The following AGBL4 variants were observed in gnomAD, a reference collection of about 807,000 sequenced individuals.
AGBL4 encodes cytosolic carboxypeptidase 6.
AGBL4 carries 58 observed loss-of-function variants against 66.4 expected under a neutral mutation model. That is an observed-to-expected ratio of 0.87 (90% confidence interval 0.71 to 1.09). The LOEUF (loss-of-function observed/expected upper bound fraction) is 1.09, where lower values mean the gene tolerates loss of function less well. Ranked by LOEUF, AGBL4 falls within the 50% of genes least tolerant of loss-of-function variation. The pLI is 0.00. For synonymous variants in AGBL4, 234 were observed against 222.9 expected, an observed-to-expected ratio of 1.05 and a Z score of -0.44; for missense variants, 579 against 631.0, an observed-to-expected ratio of 0.92 and a Z score of 0.88.
At chr1:49,288,746 C>T (rs1037557152) in intron 3 of AGBL4, among the ~76,000 whole-genome samples, 2 of 152,086 alleles carry the variant, frequency 1.3e-5, no homozygotes, top group African/African-American at 4.8e-5. Context: ...TTTGAGATGC[C>T]AAGGGACTGT....
At chr1:48,747,257 A>G (rs545203065) in intron 6 of AGBL4, among the ~76,000 whole-genome samples, 1 of 152,312 alleles carries the variant, frequency 6.6e-6, no homozygotes, top group Non-Finnish European at 1.5e-5. Flanking sequence ...TTTTTAAAAA[A>G]GGGCTTTGAT....
chr1:48,941,976 C>T (rs1420075727), intron 5 of AGBL4, among the ~76,000 whole-genome samples: 1 of 152,204 alleles, frequency 6.6e-6, no homozygotes. Context: ...TTTCCAATGC[C>T]TTTTTCTCTT....
In AGBL4 at chr1:49,512,767, T is replaced by C. The variant is rs1649393031; in HGVS notation, c.282+184546A>G. Among the ~76,000 whole-genome samples the C allele has an allele frequency of 2.0e-5, 3 of 151,796 alleles. No homozygotes were observed. The South Asian group carries it at 6.2e-4, about 31-fold the overall frequency. On this transcript the variant is annotated intron_variant, in intron 3 of 13. Transcript: ENST00000371839. ...TGCACAAACAGACTAACACAACTAA[T>C]TATATAATTCTTTCCAGATATTACT... is the stretch of plus-strand genomic sequence containing the variant.
chr1:48,529,643 T>C (rs1643895871), downstream of AGBL4, among the ~76,000 whole-genome samples: 1 of 152,128 alleles, frequency 6.6e-6, no homozygotes, highest in Non-Finnish European at 1.5e-5. Flanking sequence ...ACTTCTTTAG[T>C]GCTCAGAAGG....
chr1:48,876,099 G>T (rs536023623), intron 5 of AGBL4, among the ~76,000 whole-genome samples: 1 of 152,252 alleles, frequency 6.6e-6, no homozygotes, highest in South Asian at 2.1e-4. Flanking sequence ...CCTCCATAGG[G>T]TTCACAATTT....
chr1:48,681,660 C>G (rs187889543), intron 6 of AGBL4, among the ~76,000 whole-genome samples: 72 of 152,334 alleles, frequency 4.7e-4, no homozygotes, highest in Admixed American at 2.6e-3. Context: ...GGTTTCTTCT[C>G]CCCACTCCTG....
At chr1:48,566,216 A>G (rs1250057096) in intron 11 of AGBL4, among the ~76,000 whole-genome samples, 2 of 152,148 alleles carry the variant, frequency 1.3e-5, no homozygotes, top group Non-Finnish European at 2.9e-5. Flanking sequence ...CATTCAGGCC[A>G]ATTTCTTCAC....
chr1:49,674,816 A>C (rs1646548795), intron 3 of AGBL4, among the ~76,000 whole-genome samples: 1 of 152,166 alleles, frequency 6.6e-6, no homozygotes, highest in South Asian at 2.1e-4. Context: ...GATACAATGA[A>C]AGTATGTCAA....
chr1:49,914,294 C>A (rs1306985223), intron 1 of AGBL4, among the ~76,000 whole-genome samples: 1 of 152,168 alleles, frequency 6.6e-6, no homozygotes, highest in African/African-American at 2.4e-5. Flanking sequence ...ATTTCTTCCA[C>A]CAGATATCCT....
At chr1:48,972,778 T>A (rs1010642606) in intron 5 of AGBL4, among the ~76,000 whole-genome samples, 23 of 152,160 alleles carry the variant, frequency 1.5e-4, no homozygotes, top group Non-Finnish European at 3.4e-4. Context: ...GCAGATATTA[T>A]TTTTGAAACC....
At chr1:49,092,157 A>G (rs1645014330) in intron 4 of AGBL4, among the ~76,000 whole-genome samples, 2 of 152,156 alleles carry the variant, frequency 1.3e-5, no homozygotes, top group South Asian at 4.1e-4. Context: ...AAACCTGCAC[A>G]TGTACCCCTG....
At chr1:49,198,508 G>A (rs567161884) in intron 4 of AGBL4, among the ~76,000 whole-genome samples, 42 of 151,946 alleles carry the variant, frequency 2.8e-4, no homozygotes, top group African/African-American at 7.5e-4. Flanking sequence ...GCCTGGCTAA[G>A]GTATGTATTT....
intron 4 of AGBL4, among the ~76,000 whole-genome samples, chr1:49,217,339 T>C (rs1003224929): frequency 3.9e-5 from 6 of 152,120 alleles, no homozygotes; most frequent in African/African-American, 1.4e-4. Context: ...CCAAACATAA[T>C]TTGCTCTTTT....
intron 6 of AGBL4, among the ~76,000 whole-genome samples, chr1:48,717,185 GTTTA>G (rs1368268642): frequency 1.3e-5 from 2 of 151,946 alleles, no homozygotes; most frequent in Non-Finnish European, 2.9e-5. Context: ...CCTCTTTTTG[GTTTA>G]TTTGTCTTAA....
intron 4 of AGBL4, among the ~76,000 whole-genome samples, chr1:49,215,811 C>A: frequency 6.6e-6 from 1 of 152,044 alleles, no homozygotes; most frequent in Non-Finnish European, 1.5e-5. Context: ...TGGTCATTAT[C>A]CTTCCTTCTC....
chr1:49,868,608 CAAGAT>C (rs1366902833), intron 1 of AGBL4, among the ~76,000 whole-genome samples: 4 of 151,952 alleles, frequency 2.6e-5, no homozygotes, highest in Non-Finnish European at 4.4e-5. Context: ...AAAAATAACT[CAAGAT>C]AAAGACTTAA....
intron 1 of AGBL4, among the ~76,000 whole-genome samples, chr1:49,960,236 T>C (rs1428071826): frequency 1.3e-5 from 2 of 151,992 alleles, no homozygotes; most frequent in Non-Finnish European, 2.9e-5. Context: ...TATTCGCCCA[T>C]AAAAAAGAAT....
intron 2 of AGBL4, among the ~76,000 whole-genome samples, chr1:49,700,031 T>C (rs1249092920): frequency 1.3e-5 from 2 of 151,586 alleles, no homozygotes; most frequent in Non-Finnish European, 3.0e-5. Flanking sequence ...AATAAAATAA[T>C]TTTTTAAATA....
Position 49,463,063 on chromosome 1 carries a change from G to A in AGBL4, c.283-217199C>T, listed in dbSNP as rs540233502. Among the ~76,000 whole-genome samples the A allele has an allele frequency of 2.6e-5, 4 of 151,840 alleles. No homozygotes were observed. The East Asian group carries it at 7.8e-4, about 30-fold the overall frequency. ...TAAGTTAAAAAGAAAGGAAACTAAT[G>A]TTCTTTGAACTTCCATGGGCCAGGA... On this transcript the variant is annotated intron_variant, in intron 3 of 13. Transcript: ENST00000371839.
Sources: allele counts gnomAD v4.1 joint callset (sites outside exome capture counted in the v4.1 genomes callset), GRCh38; gene constraint gnomAD v4.1.1; transcripts MANE v1.5; gene names NCBI Gene and HGNC (gene_info 2026-07-23, HGNC 2026-07-21).